Variants in GNPTAB observed in about 807,000 individuals in gnomAD.
GNPTAB encodes the protein N-acetylglucosamine-1-phosphate transferase subunits alpha and beta.
GNPTAB carries 92 observed loss-of-function variants against 136.6 expected under a neutral mutation model. The observed-to-expected ratio is 0.67, with a 90% CI of 0.57 to 0.80. The LOEUF (loss-of-function observed/expected upper bound fraction) is 0.80. Ranked by LOEUF, GNPTAB falls within the 30% of genes least tolerant of loss-of-function variation. GNPTAB has a pLI of 0.00. For missense variants in GNPTAB, 1,343 were observed against 1,501.8 expected, an observed-to-expected ratio of 0.89 and a Z score of 1.75; for synonymous variants, 512 against 535.1, an observed-to-expected ratio of 0.96 and a Z score of 0.60.
intron 18 of GNPTAB, among the ~76,000 whole-genome samples, chr12:101,754,080 G>A (rs778648426): frequency 2.8e-4 from 43 of 151,684 alleles, no homozygotes; most frequent in Non-Finnish European, 3.7e-4. Context: ...ACCTGGGAGG[G>A]AGAGGCTGCA....
intron 7 of GNPTAB, among the ~76,000 whole-genome samples, chr12:101,772,287 C>T (rs754662728): frequency 2.0e-5 from 3 of 152,194 alleles, no homozygotes; most frequent in Admixed American, 6.5e-5. Flanking sequence ...AAAGAGCTTA[C>T]GGTCTTCTTT....
rs772482837 is a variant in GNPTAB, at chr12:101,761,234, T to G, written c.3028A>C (p.Ile1010Leu). Residue 1010 changes from isoleucine (I) to leucine (L), a missense_variant, in exon 15 of 21, where the codon ATA (isoleucine) becomes CTA (leucine). By Grantham distance (5) the Ile-to-Leu change is conservative. Transcript: ENST00000299314. ...YLMSAVQPLN[I>L]SQVFDEVDTD... is the part of the protein sequence containing the mutation. Reference sequence around the variant, plus strand: ...TCAACTTCATCAAAGACTTGAGATATATTCAGTGGCTGCACTGCACTCATG... The same window carrying G: ...TCAACTTCATCAAAGACTTGAGATAGATTCAGTGGCTGCACTGCACTCATG... The G allele has an allele frequency of 2.5e-6, 4 of 1,613,878 alleles. No individual in the cohort carries two copies. Among genetic ancestry groups the G allele is most frequent in the African/African-American group, 1.3e-5 (1 of 75,050 alleles).
intron 1 of GNPTAB, among the ~76,000 whole-genome samples, chr12:101,797,711 C>A (rs1869379903): frequency 6.6e-6 from 1 of 152,172 alleles, no homozygotes. Flanking sequence ...AGCTAACGAC[C>A]TTGTTAAACA....
intron 1 of GNPTAB, among the ~76,000 whole-genome samples, chr12:101,799,820 T>A (rs1015309291): frequency 7.2e-6 from 1 of 138,102 alleles, no homozygotes; most frequent in African/African-American, 2.7e-5. Flanking sequence ...GTGGTCTACC[T>A]GCCGCAAAAC....
chr12:101,822,827 G>C (rs879487018), intron 1 of GNPTAB, among the ~76,000 whole-genome samples: 9 of 152,214 alleles, frequency 5.9e-5, no homozygotes, highest in Non-Finnish European at 7.3e-5. Context: ...CAAAGAGCCA[G>C]TGGAAGATAA....
At chr12:101,781,628 G>A (rs1394603394) in intron 5 of GNPTAB, among the ~76,000 whole-genome samples, 1 of 152,164 alleles carries the variant, frequency 6.6e-6, no homozygotes, top group Non-Finnish European at 1.5e-5. Flanking sequence ...GGGCTGTGGT[G>A]AGCCATGATC....
At chr12:101,802,684 G>A (rs1025922931) in intron 1 of GNPTAB, among the ~76,000 whole-genome samples, 4 of 152,144 alleles carry the variant, frequency 2.6e-5, no homozygotes, top group Non-Finnish European at 5.9e-5. Context: ...ATTACAGTAG[G>A]CTCCAGGCTG....
At chr12:101,790,614 A>T (rs972865257) in intron 2 of GNPTAB, among the ~76,000 whole-genome samples, 11 of 152,042 alleles carry the variant, frequency 7.2e-5, no homozygotes, top group African/African-American at 1.4e-4. Context: ...AAAAATTTTT[A>T]AAATTAGCTG....
At chr12:101,801,980 G>C (rs1254362518) in intron 1 of GNPTAB, among the ~76,000 whole-genome samples, 1 of 151,926 alleles carries the variant, frequency 6.6e-6, no homozygotes, top group Non-Finnish European at 1.5e-5. Flanking sequence ...TTGAAGTCAG[G>C]AGTTCATGGC....
intron 5 of GNPTAB, 187 bp downstream of exon 5, chr12:101,785,825 A>G (rs1331965597): frequency 1.7e-6 from 1 of 594,346 alleles, no homozygotes; most frequent in African/African-American, 1.9e-5. Context: ...ACAGAGTAAA[A>G]TATATGCAGC....
intron 2 of GNPTAB, among the ~76,000 whole-genome samples, chr12:101,791,088 C>T (rs993395339): frequency 6.6e-6 from 1 of 152,198 alleles, no homozygotes; most frequent in African/African-American, 2.4e-5. Flanking sequence ...ATATGAGACA[C>T]TAGTACAGAA....
At chr12:101,793,192 T>C (rs920850405) in intron 2 of GNPTAB, among the ~76,000 whole-genome samples, 6 of 152,140 alleles carry the variant, frequency 3.9e-5, no homozygotes, top group African/African-American at 1.4e-4. Flanking sequence ...TTATCATATA[T>C]ATCAGTCTTT....
rs1158536846 is a variant in GNPTAB, at chr12:101,780,721, G to T, written c.572-100C>A. The T allele has an allele frequency of 1.1e-5, 9 of 841,322 alleles. No individual in the cohort carries two copies. The East Asian group carries it at 2.3e-4, about 21-fold the overall frequency. 52.1% of individuals were successfully genotyped at this position (841,322 alleles called of 1,614,324 possible). ...AAACATTCTGAGAGCTATTAAAGCA[G>T]CATAATATATGGTCCAAAAAAAGGA... On this transcript the variant is annotated intron_variant, in intron 5 of 20. Coordinates refer to ENST00000299314, the MANE Select transcript of GNPTAB (RefSeq NM_024312.5).
At position 101,764,799 on chromosome 12, in the gene GNPTAB, G is replaced by A. The variant is rs766863289; in HGVS notation, c.2118C>T (p.Asp706=). ...PLVNISLLPK[D]AQLSLNTLDL... Reference sequence around the variant, plus strand: ...CCAAGGTATTGAGACTCAACTGGGCGTCTTTTGGAAGGAGTGAAATATTTA... The same window carrying A: ...CCAAGGTATTGAGACTCAACTGGGCATCTTTTGGAAGGAGTGAAATATTTA... Residue 706 remains aspartate (D), a synonymous_variant, in exon 13 of 21, where the codon GAC becomes GAT. Coordinates refer to ENST00000299314, the MANE Select transcript of GNPTAB (RefSeq NM_024312.5). 68 of 1,614,066 alleles carry A rather than the reference G, an allele frequency of 4.2e-5. No homozygotes were observed. Among genetic ancestry groups the A allele is most frequent in the African/African-American group, 1.2e-4 (9 of 74,934 alleles).
intron 5 of GNPTAB, among the ~76,000 whole-genome samples, chr12:101,785,323 C>G (rs1285895862): frequency 6.6e-6 from 1 of 152,252 alleles, no homozygotes; most frequent in Admixed American, 6.5e-5. Flanking sequence ...CTGCCTTAGC[C>G]TCCCAAGTAG....
rs569155250 is a variant in GNPTAB at position 101,773,091 on chromosome 12, G to A, written c.772-1934C>T. 10 of 218,506 alleles carry A rather than the reference G, an allele frequency of 4.6e-5. No individual in the cohort carries two copies. The East Asian group carries it at 7.3e-4, about 16-fold the overall frequency. 13.5% of individuals were successfully genotyped at this position (218,506 alleles called of 1,614,324 possible). On this transcript the variant is annotated intron_variant, in intron 7 of 20. Transcript: ENST00000299314. ...CTCCCAAAGTGCTGGGATTACAGGC[G>A]TAAGCCACCAGGCCTGACCTCCATC...
At chr12:101,800,002 T>G (rs764939452) in intron 1 of GNPTAB, among the ~76,000 whole-genome samples, 1 of 152,222 alleles carries the variant, frequency 6.6e-6, no homozygotes, top group Admixed American at 6.5e-5. Context: ...CTGACTTGTT[T>G]CCATACACTT....
chr12:101,771,889 T>G (rs530944519), intron 7 of GNPTAB, among the ~76,000 whole-genome samples: 4 of 152,234 alleles, frequency 2.6e-5, no homozygotes, highest in African/African-American at 7.2e-5. Flanking sequence ...TCTGCTTATA[T>G]TGGGCAAAAA....
rs1953281177 is a variant in GNPTAB, at chr12:101,777,796, A to G, written c.771+2356T>C. On this transcript the variant is annotated intron_variant, in intron 7 of 20. Transcript: ENST00000299314. Reference sequence around the variant, plus strand: ...GGAAAGCAAGTCACTCGAGGCCTGGACTCAAATGCTGACACTGCGTCTGTT... The same window carrying G: ...GGAAAGCAAGTCACTCGAGGCCTGGGCTCAAATGCTGACACTGCGTCTGTT... 2.0e-5 allele frequency among the ~76,000 whole-genome samples: 3 copies of G among 152,120 alleles called. No homozygotes were observed. In the South Asian group the frequency reaches 6.2e-4, roughly 32 times the overall value.
Sources: gnomAD v4.1 joint callset for allele counts (sites outside exome capture counted in the v4.1 genomes callset) on GRCh38, gnomAD v4.1.1 for gene constraint, MANE v1.5 for transcripts, NCBI Gene and HGNC (gene_info 2026-07-23, HGNC 2026-07-21) for gene names.